ATP9A: variants seen among roughly 807,000 people sequenced by gnomAD.
The protein encoded by ATP9A is probable phospholipid-transporting ATPase IIA.
In ATP9A, 52 loss-of-function variants were observed where a neutral mutation model predicts 144.1. The observed-to-expected ratio is 0.36, with a 90% confidence interval of 0.29 to 0.45. The LOEUF (loss-of-function observed/expected upper bound fraction) is 0.45. Among genes scored for constraint, ATP9A ranks in the 20% least tolerant of loss-of-function variants. The pLI is 1.00. For missense variants in ATP9A, 947 were observed against 1,392.7 expected (o/e 0.68, Z 5.09); for synonymous variants, 582 against 557.4 (o/e 1.04, Z -0.62).
At chr20:51,608,010 C>T (rs1223132151) in intron 25 of ATP9A, among the ~76,000 whole-genome samples, 1 of 148,564 alleles carries the variant, frequency 6.7e-6, no homozygotes. Context: ...AGCCACTACA[C>T]TCCAGCGTGG....
At chr20:51,640,664 T>C (rs1328188182) in intron 14 of ATP9A, among the ~76,000 whole-genome samples, 2 of 152,160 alleles carry the variant, frequency 1.3e-5, no homozygotes, top group Admixed American at 1.3e-4. Flanking sequence ...TCTCATGGCC[T>C]CAGCCAGACA....
At chr20:51,766,466 T>G (rs2077904087) in intron 1 of ATP9A, among the ~76,000 whole-genome samples, 3 of 152,218 alleles carry the variant, frequency 2.0e-5, no homozygotes, top group Admixed American at 2.0e-4. Flanking sequence ...ACTGATCATA[T>G]TAATTCATCA....
In ATP9A at chr20:51,701,809, C is replaced by T. The variant is rs530696627; in HGVS notation, c.437-4327G>A. ...TCCCAGACTCTCCCCTTCTGTTGAGCTACTGCAGAGTGCTGTCAATTTGGA... is the reference window on the plus strand; with the variant it reads ...TCCCAGACTCTCCCCTTCTGTTGAGTTACTGCAGAGTGCTGTCAATTTGGA... On this transcript the variant is annotated intron_variant, in intron 4 of 27. Transcript: ENST00000338821. 2.6e-5 allele frequency among the ~76,000 whole-genome samples: 4 copies of T among 152,316 alleles called. No individual in the cohort carries two copies. In the East Asian group the frequency reaches 7.7e-4, roughly 29 times the overall value.
Position 51,613,406 on chromosome 20 carries a change from T to C in ATP9A, c.2571+271A>G, listed in dbSNP as rs373398013. On this transcript the variant is annotated intron_variant, in intron 23 of 27. Transcript: ENST00000338821. ...TGCTAACGCACACATCCTCACCACA[T>C]GGCAGGAATGACCAGCACCGCTTAA... 2.0e-4 allele frequency among the ~76,000 whole-genome samples: 31 copies of C among 152,292 alleles called. No homozygotes were observed. The South Asian group carries it at 6.0e-3, about 30-fold the overall frequency.
At chr20:51,650,646 G>A (rs6021347) in intron 14 of ATP9A, among the ~76,000 whole-genome samples, 1,562 of 152,088 alleles carry the variant, frequency 0.01, 35 homozygotes, top group African/African-American at 0.035. Context: ...TAATAACAGC[G>A]GGTGTCGCAG....
chr20:51,624,592 G>T (rs1360503628), intron 18 of ATP9A, among the ~76,000 whole-genome samples: 5 of 152,162 alleles, frequency 3.3e-5, no homozygotes, highest in Admixed American at 1.3e-4. Context: ...CACTCAACTA[G>T]AATTTAATCA....
intron 1 of ATP9A, among the ~76,000 whole-genome samples, chr20:51,748,404 T>C (rs1459676890): frequency 6.6e-6 from 1 of 152,172 alleles, no homozygotes; most frequent in African/African-American, 2.4e-5. Context: ...TCCAGTGGGA[T>C]GGGGCACACC....
At chr20:51,726,732 C>A (rs963675204) in intron 2 of ATP9A, among the ~76,000 whole-genome samples, 30 of 151,946 alleles carry the variant, frequency 2.0e-4, no homozygotes, top group African/African-American at 7.3e-4. Flanking sequence ...GCATGCACCA[C>A]CATGCCCAGC....
In ATP9A at chr20:51,652,886, A is replaced by G. The variant is rs535717644; in HGVS notation, c.1506+4052T>C. Among the ~76,000 whole-genome samples the G allele has an allele frequency of 8.6e-4, 131 of 152,188 alleles. 1 individual carries two copies. The highest frequency in any genetic ancestry group is 1.6e-3 in the Admixed American group (24 of 15,300). ...CACTTTGGGAGGCCAAGGCGGGCGG[A>G]TCACGAGGTCAGGAGATCGAGACCA... On this transcript the variant is annotated intron_variant, in intron 14 of 27. Transcript: ENST00000338821.
In ATP9A at chr20:51,655,989, T is replaced by C. The variant is rs375949728; in HGVS notation, c.1506+949A>G. ...TGATGAGTGAATATGCATGGATGAATCTTGAAAACATCACACTAAGTAAAA... is the reference window on the plus strand; with the variant it reads ...TGATGAGTGAATATGCATGGATGAACCTTGAAAACATCACACTAAGTAAAA... On this transcript the variant is annotated intron_variant, in intron 14 of 27. Coordinates refer to ENST00000338821, the MANE Select transcript of ATP9A (RefSeq NM_006045.3). Among the ~76,000 whole-genome samples the C allele has an allele frequency of 1.3e-4, 20 of 152,284 alleles. No homozygotes were observed. The East Asian group carries it at 2.7e-3, about 21-fold the overall frequency.
At chr20:51,677,695 C>A (rs1042773828) in intron 9 of ATP9A, among the ~76,000 whole-genome samples, 1 of 152,182 alleles carries the variant, frequency 6.6e-6, no homozygotes, top group African/African-American at 2.4e-5. Flanking sequence ...TTGGGGATGT[C>A]TGTCCCAAGG....
chr20:51,617,435 A>G lies in ATP9A; in HGVS notation c.2415+55T>C. ...AGGCTTAAAGCTGTGTCTTTGAGGG[A>G]AAAAGAACCAAGAAACTACAGCAAG... On this transcript the variant is annotated intron_variant, in intron 22 of 27. Transcript: ENST00000338821. The G allele has an allele frequency of 2.6e-6, 4 of 1,547,640 alleles. No individual in the cohort carries two copies. In the South Asian group the frequency reaches 4.7e-5, roughly 18 times the overall value.
chr20:51,689,527 C>G (rs1336714600), intron 8 of ATP9A, among the ~76,000 whole-genome samples: 2 of 148,922 alleles, frequency 1.3e-5, no homozygotes, highest in African/African-American at 4.9e-5. Context: ...CCTGTTGACC[C>G]ATATTCCTAA....
intron 4 of ATP9A, among the ~76,000 whole-genome samples, chr20:51,707,994 C>T (rs1346884280): frequency 6.6e-6 from 1 of 152,094 alleles, no homozygotes; most frequent in Non-Finnish European, 1.5e-5. Context: ...TCCCAAAGTG[C>T]TGGCATTACA....
intron 1 of ATP9A, among the ~76,000 whole-genome samples, chr20:51,742,324 C>CAA (rs74175576): frequency 6.5e-4 from 77 of 118,136 alleles, no homozygotes; most frequent in African/African-American, 8.9e-4. Context: ...AACACTGTCT[C>CAA]AAAAAAAAAA....
chr20:51,639,221 C>T, intron 15 of ATP9A, 122 bp downstream of exon 15: 1 of 1,102,722 alleles, frequency 9.1e-7, no homozygotes, highest in Non-Finnish European at 1.3e-6. Flanking sequence ...ATTATATTCC[C>T]TTGTTAGTCT....
At chr20:51,744,234 C>T (rs774026595) in intron 1 of ATP9A, among the ~76,000 whole-genome samples, 1 of 152,052 alleles carries the variant, frequency 6.6e-6, no homozygotes, top group Non-Finnish European at 1.5e-5. Context: ...GGCCCAATCT[C>T]GGTTCACTGT....
intron 1 of ATP9A, among the ~76,000 whole-genome samples, chr20:51,753,137 G>T (rs779322032): frequency 6.6e-6 from 1 of 151,652 alleles, no homozygotes; most frequent in African/African-American, 2.4e-5. Context: ...AAAAGAAAAA[G>T]AAAACATTAC....
At chr20:51,737,279 G>C (rs1769360247) in intron 1 of ATP9A, among the ~76,000 whole-genome samples, 1 of 152,204 alleles carries the variant, frequency 6.6e-6, no homozygotes, top group South Asian at 2.1e-4. Flanking sequence ...CATCAAGAGT[G>C]ACTGTTCGGT....
Sources: gnomAD v4.1 joint callset for allele counts (sites outside exome capture counted in the v4.1 genomes callset) on GRCh38, gnomAD v4.1.1 for gene constraint, MANE v1.5 for transcripts, NCBI Gene and HGNC (gene_info 2026-07-23, HGNC 2026-07-21) for gene names.